The following MED12L variants were observed in gnomAD, a reference collection of about 807,000 sequenced individuals.
MED12L encodes the protein mediator of RNA polymerase II transcription subunit 12-like protein.
MED12L carries 60 observed loss-of-function variants against 281.3 expected under a neutral mutation model. That is an observed-to-expected ratio of 0.21 (90% CI 0.17 to 0.26). The LOEUF (loss-of-function observed/expected upper bound fraction) is 0.26. Among genes scored for constraint, MED12L ranks in the 10% least tolerant of loss-of-function variants. The pLI is 1.00. For synonymous variants in MED12L, 974 were observed against 987.2 expected (o/e 0.99, Z 0.25); for missense variants, 2,146 against 2,680.9 (o/e 0.80, Z 4.41).
intron 11 of MED12L, among the ~76,000 whole-genome samples, chr3:151,168,486 T>G (rs1036303901): frequency 2.0e-5 from 3 of 152,146 alleles, no homozygotes; most frequent in Admixed American, 6.5e-5. Context: ...CGACATGTGC[T>G]CAGGACTGAG....
At chr3:151,376,671 G>T in intron 28 of MED12L, 129 bp from the exon 29 acceptor site, 1 of 752,052 alleles carries the variant, frequency 1.3e-6, no homozygotes, top group South Asian at 1.8e-5. Flanking sequence ...GGAACCTTTT[G>T]ACTCATATAA....
chr3:151,338,875 G>T, intron 16 of MED12L: 1 of 1,606,430 alleles, frequency 6.2e-7, no homozygotes, highest in Middle Eastern at 1.7e-4. Flanking sequence ...GAACAAAAGA[G>T]AGGATGGTTA....
intron 5 of MED12L, among the ~76,000 whole-genome samples, chr3:151,129,418 G>A (rs931048984): frequency 6.6e-6 from 1 of 151,900 alleles, no homozygotes; most frequent in Non-Finnish European, 1.5e-5. Context: ...TAATCCACAA[G>A]TTAACAGTGA....
In MED12L at chr3:151,356,165, C is replaced by T. The variant is rs527692841; in HGVS notation, c.2661+126C>T. ...TTGTAATCCTGGCACTTTGGGAGGC[C>T]GAGGTAGGAGGATTGCTTGAATCTA... On this transcript the variant is annotated intron_variant, in intron 19 of 44. Coordinates refer to ENST00000687756, the MANE Select transcript of MED12L (RefSeq NM_001393769.1). 192 of 937,784 alleles carry T rather than the reference C, an allele frequency of 2.0e-4. 2 individuals are homozygous for T. In the South Asian group the frequency reaches 3.6e-3, roughly 17 times the overall value. The allele number at this position is 937,784 out of a possible 1,614,324, so 58.1% of individuals were successfully genotyped here.
intron 2 of MED12L, among the ~76,000 whole-genome samples, chr3:151,106,122 C>A (rs747430379): frequency 2.6e-5 from 4 of 152,128 alleles, no homozygotes; most frequent in Non-Finnish European, 4.4e-5. Context: ...AATCCCCTTA[C>A]CCTCAGCCTC....
At position 151,365,108 on chromosome 3, in the gene MED12L, A is replaced by C; in HGVS notation, c.3087A>C (p.Ser1029=). 1 of 1,614,004 alleles carries C rather than the reference A, an allele frequency of 6.2e-7. No individual in the cohort carries two copies. Among genetic ancestry groups the C allele is most frequent in the Non-Finnish European group, 8.5e-7 (1 of 1,179,890 alleles). ...ENPSARSINY[S]MLGKILSDNA... ...CCTCAGCCCGCAGCATCAACTACTCAATGCTGGGCAAGATCCTCAGTGACA... is the reference window on the plus strand; with the variant it reads ...CCTCAGCCCGCAGCATCAACTACTCCATGCTGGGCAAGATCCTCAGTGACA... The change falls in exon 22 of 45, where the codon TCA becomes TCC. Residue 1029 remains serine, a synonymous_variant. Coordinates refer to ENST00000687756, the MANE Select transcript of MED12L (RefSeq NM_001393769.1).
At chr3:151,117,968 G>A (rs1011884309) in intron 3 of MED12L, among the ~76,000 whole-genome samples, 1 of 151,532 alleles carries the variant, frequency 6.6e-6, no homozygotes, top group Non-Finnish European at 1.5e-5. Context: ...GTGGGCGCCT[G>A]TAATCCCAGC....
chr3:151,276,165 T>C (rs190574167), intron 16 of MED12L, among the ~76,000 whole-genome samples: 2 of 152,254 alleles, frequency 1.3e-5, no homozygotes, highest in African/African-American at 4.8e-5. Flanking sequence ...CAAAACTGAA[T>C]GTGCAACAGA....
At chr3:151,315,800 T>C (rs1748146124) in intron 16 of MED12L, among the ~76,000 whole-genome samples, 1 of 152,192 alleles carries the variant, frequency 6.6e-6, no homozygotes, top group Admixed American at 6.5e-5. Flanking sequence ...AAAATGTTAA[T>C]ATACCTAAAA....
chr3:151,403,447 G>T (rs899680282), intron 39 of MED12L, among the ~76,000 whole-genome samples: 3 of 152,204 alleles, frequency 2.0e-5, no homozygotes, highest in African/African-American at 7.2e-5. Context: ...GAAAACTGTG[G>T]TTATGAAACT....
intron 12 of MED12L, among the ~76,000 whole-genome samples, chr3:151,187,598 A>G (rs1009386416): frequency 1.3e-5 from 2 of 152,222 alleles, no homozygotes; most frequent in African/African-American, 4.8e-5. Context: ...GAATATAACA[A>G]AGAATAGAAA....
At chr3:151,374,649 C>CT (rs1167092042) in intron 27 of MED12L, among the ~76,000 whole-genome samples, 1 of 152,212 alleles carries the variant, frequency 6.6e-6, no homozygotes, top group African/African-American at 2.4e-5. Flanking sequence ...TCCATTTTCT[C>CT]TAAGGGTTTA....
At chr3:151,421,685 A>G (rs1718264732) in intron 43 of MED12L, among the ~76,000 whole-genome samples, 1 of 152,182 alleles carries the variant, frequency 6.6e-6, no homozygotes, top group African/African-American at 2.4e-5. Context: ...CTGGGATTAT[A>G]GGCATGAGCC....
chr3:151,268,513 G>A lies in MED12L; in HGVS notation c.2250+74847G>A, dbSNP rs553198969. Among the ~76,000 whole-genome samples the A allele has an allele frequency of 2.0e-5, 3 of 152,262 alleles. No homozygotes were observed. In the South Asian group the frequency reaches 6.2e-4, roughly 32 times the overall value. On this transcript the variant is annotated intron_variant, in intron 16 of 44. Transcript: ENST00000687756. ...CAGAACCATAACATGAGTTCTAAAT[G>A]GAAGCTTCCAGGTTTCTCCATTTTG...
chr3:151,295,936 T>C (rs1441186203), intron 16 of MED12L, among the ~76,000 whole-genome samples: 1 of 152,262 alleles, frequency 6.6e-6, no homozygotes, highest in Non-Finnish European at 1.5e-5. Context: ...TGCAGGCTGG[T>C]GTGAAGTTAC....
chr3:151,324,855 T>C (rs1343281345), intron 16 of MED12L, among the ~76,000 whole-genome samples: 1 of 152,250 alleles, frequency 6.6e-6, no homozygotes, highest in Non-Finnish European at 1.5e-5. Flanking sequence ...TTCTGGGTGC[T>C]TCAAATGATT....
chr3:151,291,481 A>G (rs895629178), intron 16 of MED12L, among the ~76,000 whole-genome samples: 25 of 152,310 alleles, frequency 1.6e-4, no homozygotes, highest in Admixed American at 1.5e-3. Context: ...AAGAATGGAA[A>G]ATTTCCTTTT....
intron 27 of MED12L, among the ~76,000 whole-genome samples, chr3:151,373,392 G>T (rs1292657884): frequency 2.0e-5 from 3 of 152,170 alleles, no homozygotes; most frequent in African/African-American, 7.2e-5. Flanking sequence ...TAACTATACA[G>T]TGGGGACTGT....
Position 151,138,748 on chromosome 3 carries a change from A to G in MED12L, c.556+10764A>G, listed in dbSNP as rs539485255. Among the ~76,000 whole-genome samples the G allele has an allele frequency of 5.3e-5, 8 of 152,344 alleles. No homozygotes were observed. The South Asian group carries it at 6.2e-4, about 12-fold the overall frequency. ...TCATGTTACATCAAGGGTACATGCT[A>G]TCACCATGACTTATGACTATTGATG... is the stretch of plus-strand genomic sequence containing the variant. On this transcript the variant is annotated intron_variant, in intron 5 of 44. Coordinates refer to ENST00000687756, the MANE Select transcript of MED12L (RefSeq NM_001393769.1).
Sources: allele counts gnomAD v4.1 joint callset (sites outside exome capture counted in the v4.1 genomes callset), GRCh38; gene constraint gnomAD v4.1.1; transcripts MANE v1.5; gene names NCBI Gene and HGNC (gene_info 2026-07-23, HGNC 2026-07-21).